The following EYS variants were observed in gnomAD, a reference collection of about 807,000 sequenced individuals.
EYS encodes EGF-like photoreceptor maintenance factor.
A neutral mutation model predicts 282.1 loss-of-function variants in EYS; 250 were observed. That is an observed-to-expected ratio of 0.89 (90% CI 0.80 to 0.98). The LOEUF (loss-of-function observed/expected upper bound fraction) is 0.98. Ranked by LOEUF, EYS falls within the 50% of genes least tolerant of loss-of-function variation. The pLI, the probability that EYS is intolerant of heterozygous loss-of-function variation, is 0.00. For missense variants in EYS, 4,016 were observed against 3,709.0 expected, an observed-to-expected ratio of 1.08 and a Z score of -2.15; for synonymous variants, 1,355 against 1,282.9, an observed-to-expected ratio of 1.06 and a Z score of -1.20.
intron 31 of EYS, among the ~76,000 whole-genome samples, chr6:64,169,739 G>A (rs1010981123): frequency 1.3e-5 from 2 of 151,896 alleles, no homozygotes; most frequent in South Asian, 2.1e-4. Context: ...ACAGAAGTCC[G>A]GGCCCATGGG....
chr6:64,831,562 A>T (rs983062651), intron 19 of EYS, among the ~76,000 whole-genome samples: 1 of 151,932 alleles, frequency 6.6e-6, no homozygotes, highest in Non-Finnish European at 1.5e-5. Context: ...ATCAATAAAT[A>T]TTTGATGATG....
intron 5 of EYS, among the ~76,000 whole-genome samples, chr6:65,418,646 CAT>C (rs1167232969): frequency 6.6e-6 from 1 of 151,996 alleles, no homozygotes; most frequent in African/African-American, 2.4e-5. Context: ...CCAAACACCA[CAT>C]GTTTTCACTT....
chr6:65,597,250 A>G (rs2183675), intron 2 of EYS, among the ~76,000 whole-genome samples: 78,102 of 151,904 alleles, frequency 0.51, 20,442 homozygotes, highest in East Asian at 0.65. Context: ...CTAAGAGTGA[A>G]CCAAGAAACA....
At chr6:64,130,334 C>A (rs1468522676) in intron 31 of EYS, among the ~76,000 whole-genome samples, 1 of 152,100 alleles carries the variant, frequency 6.6e-6, no homozygotes, top group Non-Finnish European at 1.5e-5. Flanking sequence ...TTTGTAGGGA[C>A]ATGGATGAAG....
chr6:65,370,788 C>T (rs1765114103), intron 8 of EYS, among the ~76,000 whole-genome samples: 1 of 151,930 alleles, frequency 6.6e-6, no homozygotes, highest in South Asian at 2.1e-4. Context: ...GGGAGTCCCT[C>T]CAAATAGGGT....
intron 11 of EYS, among the ~76,000 whole-genome samples, chr6:65,313,500 T>C (rs1247547719): frequency 3.3e-5 from 5 of 151,222 alleles, no homozygotes; most frequent in African/African-American, 1.2e-4. Flanking sequence ...ACGGTCTTTC[T>C]GCAGTTTTCC....
intron 31 of EYS, among the ~76,000 whole-genome samples, chr6:64,106,478 G>GT (rs1403024931): frequency 7.9e-5 from 12 of 151,960 alleles, no homozygotes; most frequent in Admixed American, 2.0e-4. Context: ...ATTCCTTTCT[G>GT]TTTTTGTTTG....
chr6:64,129,586 T>C (rs1036734461), intron 31 of EYS, among the ~76,000 whole-genome samples: 1 of 152,316 alleles, frequency 6.6e-6, no homozygotes, highest in African/African-American at 2.4e-5. Context: ...AGGTTGCCTG[T>C]TCACTCTGAT....
chr6:63,852,074 G>A (rs61281182), intron 36 of EYS, among the ~76,000 whole-genome samples: 17,577 of 144,562 alleles, frequency 0.12, 1,226 homozygotes, highest in African/African-American at 0.19. Flanking sequence ...GGAGAATGGC[G>A]TGAACCCGGG....
chr6:64,838,734 T>G (rs1482094975), intron 19 of EYS, among the ~76,000 whole-genome samples: 5 of 151,934 alleles, frequency 3.3e-5, no homozygotes, highest in African/African-American at 1.2e-4. Context: ...GCTATCAGAA[T>G]TGGTAGACAT....
intron 8 of EYS, among the ~76,000 whole-genome samples, chr6:65,362,724 T>C (rs1346117948): frequency 1.3e-5 from 2 of 152,002 alleles, no homozygotes; most frequent in Non-Finnish European, 2.9e-5. Flanking sequence ...TACATTTTCT[T>C]TAAAAATTTC....
chr6:65,269,766 A>G lies in EYS; in HGVS notation c.2023+26097T>C, dbSNP rs1016593060. Among the ~76,000 whole-genome samples the G allele has an allele frequency of 3.3e-5, 5 of 152,110 alleles. 1 individual carries two copies. Among genetic ancestry groups the G allele is most frequent in the Admixed American group, 1.3e-4 (2 of 15,252 alleles). On this transcript the variant is annotated intron_variant, in intron 12 of 42. Coordinates refer to ENST00000503581, the MANE Select transcript of EYS (RefSeq NM_001142800.2). ...CTGCTCACTTCTCGTGCATCTTCAC[A>G]TGGCAGACCGAGGGCAAGCTAGTCT...
intron 30 of EYS, among the ~76,000 whole-genome samples, chr6:64,233,933 T>C (rs1766508417): frequency 6.6e-6 from 1 of 152,294 alleles, no homozygotes; most frequent in African/African-American, 2.4e-5. Context: ...TGCTTCAGCC[T>C]GAAGGATTTT....
At chr6:64,972,931 T>C (rs1026163731) in intron 14 of EYS, among the ~76,000 whole-genome samples, 1 of 152,078 alleles carries the variant, frequency 6.6e-6, no homozygotes, top group Admixed American at 6.6e-5. Context: ...CTCTAATGTA[T>C]ATGAATCCAA....
chr6:64,844,458 C>T (rs995109902), intron 19 of EYS, among the ~76,000 whole-genome samples: 3 of 151,582 alleles, frequency 2.0e-5, no homozygotes, highest in African/African-American at 4.8e-5. Flanking sequence ...TGAGATATTG[C>T]TTCCAGAAAC....
intron 42 of EYS, among the ~76,000 whole-genome samples, chr6:63,722,506 A>C (rs1768440086): frequency 6.6e-6 from 1 of 152,208 alleles, no homozygotes. Flanking sequence ...ACCATCCAGC[A>C]TCTGAAGTTG....
intron 30 of EYS, among the ~76,000 whole-genome samples, chr6:64,296,702 G>T (rs911935581): frequency 6.7e-6 from 1 of 150,000 alleles, no homozygotes; most frequent in African/African-American, 2.5e-5. Context: ...TGCCTCTTGG[G>T]TTCAAGCAAT....
At chr6:65,331,649 GA>G in intron 11 of EYS, 1 of 980,750 alleles carries the variant, frequency 1.0e-6, no homozygotes. Context: ...CACAAAATCA[GA>G]AAAAAGGAAA....
intron 12 of EYS, among the ~76,000 whole-genome samples, chr6:65,059,669 A>G (rs1773514562): frequency 3.3e-5 from 5 of 152,056 alleles, no homozygotes; most frequent in Admixed American, 3.3e-4. Context: ...ATTCTCTAAG[A>G]AAATGAAGGG....
Sources: gnomAD v4.1 joint callset for allele counts (sites outside exome capture counted in the v4.1 genomes callset) on GRCh38, gnomAD v4.1.1 for gene constraint, MANE v1.5 for transcripts, NCBI Gene and HGNC (gene_info 2026-07-23, HGNC 2026-07-21) for gene names.